Variants in CRPPA observed in about 807,000 individuals in gnomAD.
CRPPA encodes CDP-L-ribitol pyrophosphorylase A.
A neutral mutation model predicts 52.0 loss-of-function variants in CRPPA; 43 were observed. That is an observed-to-expected ratio of 0.83 (90% confidence interval 0.65 to 1.07). CRPPA has a LOEUF of 1.07. Among genes scored for constraint, CRPPA ranks in the 50% least tolerant of loss-of-function variants. The pLI is 0.00. For missense variants in CRPPA, 629 were observed against 551.7 expected (o/e 1.14, Z -1.40); for synonymous variants, 250 against 203.5 (o/e 1.23, Z -1.94).
At chr7:16,267,985 G>A (rs1019831942) in intron 6 of CRPPA, among the ~76,000 whole-genome samples, 9 of 152,096 alleles carry the variant, frequency 5.9e-5, no homozygotes, top group South Asian at 2.1e-4. Flanking sequence ...TTTATGTAAC[G>A]GATTAGAGCA....
At chr7:16,319,405 C>T (rs1785210793) in intron 3 of CRPPA, among the ~76,000 whole-genome samples, 2 of 152,116 alleles carry the variant, frequency 1.3e-5, no homozygotes, top group South Asian at 2.1e-4. Context: ...ACATCACCGT[C>T]TTGGAAAGAG....
rs1350328645 is a variant in CRPPA, at chr7:16,260,261, T to C, written c.934-1249A>G. On this transcript the variant is annotated intron_variant, in intron 6 of 9. Coordinates refer to ENST00000407010, the MANE Select transcript of CRPPA (RefSeq NM_001101426.4). ...TGTACAAATTGCAGAGATAGAGATA[T>C]TTCTTCCTAGAACAGATTTATTTTC... Among the ~76,000 whole-genome samples, 7 of 152,046 alleles carry C rather than the reference T, an allele frequency of 4.6e-5. No individual in the cohort carries two copies. The Middle Eastern group carries it at 9.5e-3, about 206-fold the overall frequency.
At chr7:16,277,941 G>C (rs1186948114) in intron 6 of CRPPA, among the ~76,000 whole-genome samples, 188 bp downstream of exon 6, 1 of 152,090 alleles carries the variant, frequency 6.6e-6, no homozygotes, top group Non-Finnish European at 1.5e-5. Context: ...TCCACAAAAG[G>C]AATGAAAAGG....
At chr7:16,103,121 A>G (rs1370615111) in intron 9 of CRPPA, among the ~76,000 whole-genome samples, 1 of 152,232 alleles carries the variant, frequency 6.6e-6, no homozygotes, top group East Asian at 1.9e-4. Flanking sequence ...AATACTATGC[A>G]GCCATAAAAA....
intron 9 of CRPPA, among the ~76,000 whole-genome samples, chr7:16,116,675 A>AAAAAGGAAAGGAAAGGGAAGGGAAG (rs6150004): frequency 1.0e-5 from 1 of 96,620 alleles, no homozygotes; most frequent in African/African-American, 3.5e-5. Flanking sequence ...AAAAAAAAAA[A>AAAAAGGAAAGGAAAGGGAAGGGAAG]GGAAAGGAAA....
chr7:16,316,404 A>T (rs1004074056), intron 3 of CRPPA, among the ~76,000 whole-genome samples: 5 of 152,158 alleles, frequency 3.3e-5, no homozygotes, highest in Admixed American at 2.0e-4. Flanking sequence ...CATGTTATGT[A>T]ATGTTTAAAT....
intron 9 of CRPPA, among the ~76,000 whole-genome samples, chr7:16,133,806 G>A (rs889475600): frequency 8.0e-6 from 1 of 124,848 alleles, no homozygotes; most frequent in African/African-American, 2.6e-5. Context: ...CTGCAGCTGA[G>A]GATGCCTTCC....
At chr7:16,284,773 C>T (rs1034960055) in intron 5 of CRPPA, among the ~76,000 whole-genome samples, 1 of 152,036 alleles carries the variant, frequency 6.6e-6, no homozygotes, top group Non-Finnish European at 1.5e-5. Context: ...GCAATTGCTA[C>T]TGATAATTTG....
rs572620532 is a variant in CRPPA at position 16,149,510 on chromosome 7, G to A, written c.1252-57711C>T. Among the ~76,000 whole-genome samples the A allele has an allele frequency of 2.6e-5, 4 of 152,124 alleles. No individual in the cohort carries two copies. In the South Asian group the frequency reaches 8.3e-4, roughly 32 times the overall value. ...CTGAGAAATTCTAACAATACACATTGGAAACATGAGGAAATGAAGGCCATT... is the reference window on the plus strand; with the variant it reads ...CTGAGAAATTCTAACAATACACATTAGAAACATGAGGAAATGAAGGCCATT... On this transcript the variant is annotated intron_variant, in intron 9 of 9. Coordinates refer to ENST00000407010, the MANE Select transcript of CRPPA (RefSeq NM_001101426.4).
chr7:16,371,853 A>G (rs1786757379), intron 3 of CRPPA, among the ~76,000 whole-genome samples: 1 of 152,150 alleles, frequency 6.6e-6, no homozygotes, highest in East Asian at 1.9e-4. Context: ...AGAAATAGAT[A>G]TCATAATGAA....
chr7:16,219,541 G>A (rs1284444720), intron 8 of CRPPA, among the ~76,000 whole-genome samples: 3 of 110,300 alleles, frequency 2.7e-5, no homozygotes, highest in Non-Finnish European at 5.8e-5. Flanking sequence ...TTGATAGACC[G>A]CTAGCAAGAC....
At chr7:16,394,816 A>G (rs1787530146) in intron 2 of CRPPA, among the ~76,000 whole-genome samples, 1 of 152,166 alleles carries the variant, frequency 6.6e-6, no homozygotes, top group Middle Eastern at 3.2e-3. Flanking sequence ...GGCATCTTAA[A>G]CTAAAGGCCC....
At chr7:16,367,342 G>T (rs1295056758) in intron 3 of CRPPA, among the ~76,000 whole-genome samples, 1 of 152,108 alleles carries the variant, frequency 6.6e-6, no homozygotes, top group Non-Finnish European at 1.5e-5. Context: ...AAAACAGCCA[G>T]GGAGGAAGGC....
intron 9 of CRPPA, among the ~76,000 whole-genome samples, chr7:16,144,500 G>C (rs981341577): frequency 1.3e-5 from 2 of 152,218 alleles, no homozygotes; most frequent in East Asian, 1.9e-4. Flanking sequence ...GTTTTGCAAA[G>C]CTTCAGGGAA....
intron 4 of CRPPA, among the ~76,000 whole-genome samples, chr7:16,303,115 T>C (rs1784824688): frequency 6.6e-6 from 1 of 152,158 alleles, no homozygotes; most frequent in Non-Finnish European, 1.5e-5. Context: ...CTAGTTTTGG[T>C]TGGCATGTGC....
At chr7:16,333,996 C>T (rs1323394181) in intron 3 of CRPPA, among the ~76,000 whole-genome samples, 2 of 152,136 alleles carry the variant, frequency 1.3e-5, no homozygotes, top group South Asian at 4.2e-4. Context: ...CACAGGGGCT[C>T]ACTCCTGTCT....
At position 16,213,451 on chromosome 7, in the gene CRPPA, T is replaced by TA. The variant is rs1200101532; in HGVS notation, c.1251+2614dup. 6.1e-4 allele frequency among the ~76,000 whole-genome samples: 93 copies of TA among 152,140 alleles called. 1 individual carries two copies. The highest frequency in any genetic ancestry group is 2.1e-3 in the African/African-American group (88 of 41,516). On this transcript the variant is annotated intron_variant, in intron 9 of 9. Transcript: ENST00000407010. Reference sequence around the variant, plus strand: ...CAACAATCTTTTACAAATTTTTTTTTAAAAAACAAAAATTTGGCCAGGCGC... The same window carrying TA: ...CAACAATCTTTTACAAATTTTTTTTTAAAAAAACAAAAATTTGGCCAGGCGC...
intron 9 of CRPPA, among the ~76,000 whole-genome samples, chr7:16,143,266 T>C (rs916602187): frequency 6.6e-6 from 1 of 152,174 alleles, no homozygotes; most frequent in Non-Finnish European, 1.5e-5. Flanking sequence ...CATATGTTTC[T>C]GGAGATTTAC....
At chr7:16,309,125 T>G (rs1345861302) in intron 3 of CRPPA, among the ~76,000 whole-genome samples, 1 of 152,190 alleles carries the variant, frequency 6.6e-6, no homozygotes. Flanking sequence ...ACATTTTGTT[T>G]ATAAACATGG....
Sources: gnomAD v4.1 joint callset for allele counts (sites outside exome capture counted in the v4.1 genomes callset) on GRCh38, gnomAD v4.1.1 for gene constraint, MANE v1.5 for transcripts, NCBI Gene and HGNC (gene_info 2026-07-23, HGNC 2026-07-21) for gene names.